TECTA: variants seen among roughly 807,000 people sequenced by gnomAD.
TECTA encodes tectorin alpha.
In TECTA, 128 loss-of-function variants were observed where a neutral mutation model predicts 216.8. The observed-to-expected ratio is 0.59, with a 90% CI of 0.51 to 0.68. The LOEUF (loss-of-function observed/expected upper bound fraction) is 0.68, where lower values mean the gene tolerates loss of function less well. TECTA is among the 30% of genes least tolerant of loss of function. The probability of loss-of-function intolerance (pLI) is 0.00; values close to 1 mark genes in which losing one functional copy is unlikely to be tolerated. For missense variants in TECTA, 2,551 were observed against 2,786.2 expected, an observed-to-expected ratio of 0.92 and a Z score of 1.90; for synonymous variants, 1,089 against 1,117.1, an observed-to-expected ratio of 0.97 and a Z score of 0.50.
Position 121,102,699 on chromosome 11 carries a change from T to G in TECTA, c.34T>G (p.Ser12Ala), listed in dbSNP as rs1172967669. The change falls in exon 2 of 24, where the codon TCT becomes GCT. Residue 12 changes from serine to alanine, a missense_variant. By Grantham distance (99) the Ser-to-Ala change is moderately conservative. This residue lies in a region of TECTA where 2,375 missense variants were observed against 2,563.9 expected (regional missense o/e 0.93). Transcript: ENST00000392793. ...TTCATCATTCCTTAGAATTTGGGTCTCTTTCATCTTCGCACTTGTACAGCA... is the reference window on the plus strand; with the variant it reads ...TTCATCATTCCTTAGAATTTGGGTCGCTTTCATCTTCGCACTTGTACAGCA... ...NYSSFLRIWV[S>A]FIFALVQHQA... 6.2e-7 allele frequency: 1 copy of G among 1,613,986 alleles called. No homozygotes were observed.
chr11:121,132,594 C>T (rs1175113097), intron 10 of TECTA, among the ~76,000 whole-genome samples: 23 of 152,202 alleles, frequency 1.5e-4, no homozygotes, highest in Non-Finnish European at 2.9e-5. Flanking sequence ...TATACACACC[C>T]TCCATACACA....
intron 12 of TECTA, 62 bp downstream of exon 12, chr11:121,146,178 C>T: frequency 6.3e-7 from 1 of 1,582,268 alleles, no homozygotes; most frequent in Admixed American, 1.7e-5. Context: ...TCTGGGAAGG[C>T]CAGTCTTCCA....
In TECTA at chr11:121,127,274, G is replaced by A. The variant is rs74540766; in HGVS notation, c.1775-478G>A. ...CCTTGGTCACACTTAGGTATTTTAA[G>A]TGCCTCCCTGTTACAAATTTCACGT... On this transcript the variant is annotated intron_variant, in intron 8 of 23. Transcript: ENST00000392793. The surrounding 1 kb of genome is among the most constrained non-coding windows in gnomAD (Gnocchi z 5.0). Among the ~76,000 whole-genome samples, 1,898 of 152,182 alleles carry A rather than the reference G, an allele frequency of 0.012. 39 individuals are homozygous for A. Among genetic ancestry groups the A allele is most frequent in the African/African-American group, 0.043 (1,803 of 41,494 alleles).
At position 121,118,548 on chromosome 11, in the gene TECTA, G is replaced by A; in HGVS notation, c.1033G>A (p.Ala345Thr). 5 of 1,614,172 alleles carry A rather than the reference G, an allele frequency of 3.1e-6. No homozygotes were observed. The highest frequency in any genetic ancestry group is 4.2e-6 in the Non-Finnish European group (5 of 1,180,040). ...CCTCTTCCACTTCCAAGGCTCCTGT[G>A]CCTACTTGCTGGCCCGACAGTGTTT... ...GFLFHFQGSCAYLLARQCLQT... is the reference protein window; with the variant it reads ...GFLFHFQGSCTYLLARQCLQT... Residue 345 changes from alanine (A) to threonine (T), a missense_variant, in exon 7 of 24, where the codon GCC (alanine) becomes ACC (threonine). Physicochemically the swap from Ala to Thr is moderately conservative, Grantham distance 58 (BLOSUM62 0). Around this residue, in one of 3 missense-constraint regions of TECTA, gnomAD observed 2,375 missense variants for 2,563.9 expected, o/e 0.93. Coordinates refer to ENST00000392793, the MANE Select transcript of TECTA (RefSeq NM_005422.4).
chr11:121,131,072 G>A (rs950663271), intron 10 of TECTA, among the ~76,000 whole-genome samples: 3 of 152,064 alleles, frequency 2.0e-5, no homozygotes, highest in African/African-American at 7.3e-5. Context: ...AAATTAGCCG[G>A]GCGTGGTGGC....
chr11:121,127,858 C>T lies in TECTA; in HGVS notation c.1881C>T (p.Cys627=), dbSNP rs749223128. 6.2e-7 allele frequency: 1 copy of T among 1,614,086 alleles called. No individual in the cohort carries two copies. The highest frequency in any genetic ancestry group is 8.5e-7 in the Non-Finnish European group (1 of 1,180,034). Residue 627 remains cysteine, a synonymous_variant, in exon 9 of 24, where the codon TGC becomes TGT. Coordinates refer to ENST00000392793, the MANE Select transcript of TECTA (RefSeq NM_005422.4). This position sits in a 1 kb window ranked among gnomAD's most constrained non-coding sequence, Gnocchi z 5.0. ...LTASRNCATP[C]TEGCECNQGF... ...CCTCGCGGAACTGCGCCACGCCGTG[C>T]ACAGAGGGCTGCGAGTGCAACCAGG... is the stretch of plus-strand genomic sequence containing the variant.
chr11:121,173,830 T>C (rs947440680), intron 20 of TECTA, among the ~76,000 whole-genome samples: 5 of 152,166 alleles, frequency 3.3e-5, no homozygotes, highest in Non-Finnish European at 7.3e-5. Flanking sequence ...GAGCATGAAA[T>C]GTTCTTCCAT....
intron 20 of TECTA, among the ~76,000 whole-genome samples, chr11:121,175,158 A>G (rs1322096955): frequency 4.6e-5 from 7 of 151,804 alleles, no homozygotes; most frequent in Admixed American, 2.6e-4. Flanking sequence ...GGATTCATTA[A>G]TTTTTTGAAG....
At position 121,145,630 on chromosome 11, in the gene TECTA, G is replaced by T; in HGVS notation, c.3619G>T (p.Val1207Leu). 1 of 1,614,202 alleles carries T rather than the reference G, an allele frequency of 6.2e-7. No homozygotes were observed. The highest frequency in any genetic ancestry group is 8.5e-7 in the Non-Finnish European group (1 of 1,180,036). ...KINIFSFGFH[V>L]VVETDFGLKV... is the part of the protein sequence containing the mutation. ...AAATATCTTTTCCTTTGGCTTCCAC[G>T]TGGTGGTGGAAACTGATTTTGGCCT... The change falls in exon 12 of 24, where the codon GTG becomes TTG. Residue 1207 changes from valine to leucine, a missense_variant. Val to Leu is a conservative substitution (Grantham distance 32, BLOSUM62 1). Coordinates refer to ENST00000392793, the MANE Select transcript of TECTA (RefSeq NM_005422.4).
In TECTA at chr11:121,137,665, T is replaced by C. The variant is rs1565526838; in HGVS notation, c.3186T>C (p.Tyr1062=). 1.9e-6 allele frequency: 3 copies of C among 1,613,942 alleles called. No homozygotes were observed. The highest frequency in any genetic ancestry group is 1.7e-5 in the Admixed American group (1 of 59,996). The change falls in exon 11 of 24, where the codon TAT becomes TAC. Residue 1062 remains tyrosine (Y), a synonymous_variant. Transcript: ENST00000392793. ...WVDLDCQIFC[Y]CSGTDNRVHC... ...ACCTGGACTGCCAGATCTTCTGCTA[T>C]TGCAGTGGCACAGACAACAGGGTCC...
intron 20 of TECTA, among the ~76,000 whole-genome samples, chr11:121,178,317 C>G (rs1245453176): frequency 6.6e-6 from 1 of 152,224 alleles, no homozygotes; most frequent in East Asian, 1.9e-4. Flanking sequence ...ATTCAGCCAT[C>G]TTGGCTCCCA....
In TECTA at chr11:121,127,896, G is replaced by C. The variant is rs201153452; in HGVS notation, c.1919G>C (p.Ser640Thr). 57 of 1,613,950 alleles carry C rather than the reference G, an allele frequency of 3.5e-5. No individual in the cohort carries two copies. The highest frequency in any genetic ancestry group is 4.7e-5 in the Non-Finnish European group (55 of 1,180,024). The change falls in exon 9 of 24, where the codon AGC becomes ACC. Residue 640 changes from serine to threonine, a missense_variant. Transcript: ENST00000392793. The surrounding 1 kb of genome is among the most constrained non-coding windows in gnomAD (Gnocchi z 5.0). ...GAGTGCAACCAGGGCTTCGTCCTCA[G>C]CACCAGCCAGTGCGTCCCTCTGCAC... ...GCECNQGFVL[S>T]TSQCVPLHKC...
intron 7 of TECTA, 147 bp from the exon 8 acceptor site, chr11:121,125,155 C>G (rs1020576241): frequency 1.1e-5 from 9 of 826,072 alleles, no homozygotes; most frequent in East Asian, 5.2e-5. Context: ...TTGCCTTAAT[C>G]AGAGGGAAGC....
intron 13 of TECTA, among the ~76,000 whole-genome samples, chr11:121,156,006 A>G (rs192575014): frequency 3.3e-5 from 5 of 152,332 alleles, no homozygotes; most frequent in Non-Finnish European, 5.9e-5. Context: ...TAGGTATTTT[A>G]TATAATGTTG....
At position 121,146,022 on chromosome 11, in the gene TECTA, G is replaced by A. The variant is rs144441070; in HGVS notation, c.4011G>A (p.Ala1337=). 1,802 of 1,614,018 alleles carry A rather than the reference G, an allele frequency of 1.1e-3. 21 individuals are homozygous for A. The African/African-American group carries it at 0.021, about 19-fold the overall frequency. The change falls in exon 12 of 24, where the codon GCG becomes GCA. Residue 1337 remains alanine, a synonymous_variant. Coordinates refer to ENST00000392793, the MANE Select transcript of TECTA (RefSeq NM_005422.4). ...TTGACTCTTGCATCGATGGGGGCGC[G>A]GTGCAGACCGCCTGCAGCTGGCTGC... The part of the protein sequence containing the change: ...CLFDSCIDGG[A]VQTACSWLQN...
At chr11:121,171,661 A>AT (rs893518714) in intron 20 of TECTA, among the ~76,000 whole-genome samples, 8 of 151,726 alleles carry the variant, frequency 5.3e-5, no homozygotes, top group African/African-American at 1.9e-4. Flanking sequence ...TAGATTTCTC[A>AT]TTTTTTTGTA....
In TECTA at chr11:121,162,275, A is replaced by G; in HGVS notation, c.5177A>G (p.Lys1726Arg). ...SCYLDGCYSH[K>R]KFQLCGSLAA... ...TACCTGGACGGCTGCTACAGCCACAAGAAGTTCCAGCTGTGCGGCTCCCTG... is the reference window on the plus strand; with the variant it reads ...TACCTGGACGGCTGCTACAGCCACAGGAAGTTCCAGCTGTGCGGCTCCCTG... Residue 1726 changes from lysine (K) to arginine (R), a missense_variant, in exon 16 of 24, where the codon AAG (lysine) becomes AGG (arginine). By Grantham distance (26) the Lys-to-Arg change is conservative (BLOSUM62 2). Transcript: ENST00000392793. 2 of 1,613,942 alleles carry G rather than the reference A, an allele frequency of 1.2e-6. No homozygotes were observed. The highest frequency in any genetic ancestry group is 1.6e-4 in the Middle Eastern group (1 of 6,062).
At position 121,168,042 on chromosome 11, in the gene TECTA, C is replaced by T. The variant is rs2134197183; in HGVS notation, c.5587-12C>T. 6.2e-7 allele frequency: 1 copy of T among 1,614,100 alleles called. No homozygotes were observed. Among genetic ancestry groups the T allele is most frequent in the Non-Finnish European group, 8.5e-7 (1 of 1,179,970 alleles). On this transcript the variant is annotated splice_polypyrimidine_tract_variant and intron_variant, in intron 18 of 23. Coordinates refer to ENST00000392793, the MANE Select transcript of TECTA (RefSeq NM_005422.4). ...CAGATGTAACGATTTCTGACTTCCC[C>T]TTGTTCTGCAGTCCAATGGCACGCA...
chr11:121,150,340 C>T (rs1200640572), intron 12 of TECTA, among the ~76,000 whole-genome samples: 1 of 152,102 alleles, frequency 6.6e-6, no homozygotes, highest in East Asian at 1.9e-4. Context: ...ATTTCTTACT[C>T]CGAAATAAAA....
Sources: gnomAD v4.1 joint callset for allele counts (sites outside exome capture counted in the v4.1 genomes callset) on GRCh38, gnomAD v4.1.1 for gene constraint, gnomAD v4.1.1 regional missense constraint, Gnocchi (gnomAD v3.1) non-coding constraint, MANE v1.5 for transcripts, NCBI Gene and HGNC (gene_info 2026-07-23, HGNC 2026-07-21) for gene names.